The following FGL1 variants were observed in gnomAD, a reference collection of about 807,000 sequenced individuals.
FGL1 encodes fibrinogen like 1.
A neutral mutation model predicts 43.7 loss-of-function variants in FGL1; 59 were observed. The observed-to-expected ratio is 1.35, with a 90% CI of 1.10 to 1.68. The LOEUF (loss-of-function observed/expected upper bound fraction) is 1.68. FGL1 is among the 40% of genes most tolerant of loss of function. The probability of loss-of-function intolerance (pLI) is 0.00; values close to 1 mark genes in which losing one functional copy is unlikely to be tolerated. For synonymous variants in FGL1, 192 were observed against 126.5 expected (o/e 1.52, Z -3.48); for missense variants, 596 against 373.0 (o/e 1.60, Z -4.92).
rs867053276 is a variant in FGL1 at position 17,883,399 on chromosome 8, T to C, written c.64-1220A>G. Among the ~76,000 whole-genome samples, 100 of 53,242 alleles carry C rather than the reference T, an allele frequency of 1.9e-3. 1 individual carries two copies. The highest frequency in any genetic ancestry group is 6.0e-3 in the African/African-American group (96 of 16,126). 34.9% of individuals were successfully genotyped at this position (53,242 alleles called of 152,430 possible). ...AATAATATACAATATAATAATAATA[T>C]ATAATATATATTACAAAATATATAA... On this transcript the variant is annotated intron_variant, in intron 2 of 7. Transcript: ENST00000427924.
intron 3 of FGL1, among the ~76,000 whole-genome samples, chr8:17,881,074 A>G (rs147314205): frequency 1.3e-5 from 2 of 152,156 alleles, no homozygotes; most frequent in Admixed American, 6.5e-5. Flanking sequence ...GCAACAAGGA[A>G]AGATACACAA....
intron 7 of FGL1, among the ~76,000 whole-genome samples, chr8:17,867,162 C>CT (rs1389974309): frequency 6.6e-6 from 1 of 152,166 alleles, no homozygotes; most frequent in Non-Finnish European, 1.5e-5. Context: ...TCTAAGACCC[C>CT]TAGTGGATGC....
intron 3 of FGL1, among the ~76,000 whole-genome samples, chr8:17,877,618 A>C (rs1200366249): frequency 6.6e-6 from 1 of 152,196 alleles, no homozygotes; most frequent in African/African-American, 2.4e-5. Flanking sequence ...ATAAGGAAAA[A>C]AAAAAAAGGA....
chr8:17,879,932 T>C (rs1452875198), intron 3 of FGL1, among the ~76,000 whole-genome samples: 1 of 152,096 alleles, frequency 6.6e-6, no homozygotes. Context: ...AAACCCCAAG[T>C]CTTGGGCTTG....
chr8:17,888,961 C>T (rs1325603669), intron 1 of FGL1, among the ~76,000 whole-genome samples: 1 of 152,134 alleles, frequency 6.6e-6, no homozygotes, highest in Non-Finnish European at 1.5e-5. Context: ...CTTTTCTTCA[C>T]AATAAGAGAA....
chr8:17,874,923 A>AGCTACCACACCTG (rs34146874), intron 3 of FGL1, among the ~76,000 whole-genome samples: 8 of 151,708 alleles, frequency 5.3e-5, no homozygotes, highest in Admixed American at 4.6e-4. Context: ...TACAGGTGTG[A>AGCTACCACACCTG]GCTTAGTTTC....
chr8:17,882,835 T>G (rs1272075023), intron 2 of FGL1, among the ~76,000 whole-genome samples: 1 of 121,488 alleles, frequency 8.2e-6, no homozygotes, highest in Non-Finnish European at 1.6e-5. Context: ...TATAATATAT[T>G]AAATAATATA....
intron 5 of FGL1, among the ~76,000 whole-genome samples, chr8:17,873,122 G>A (rs949157957): frequency 2.0e-5 from 3 of 152,036 alleles, no homozygotes; most frequent in African/African-American, 7.2e-5. Context: ...TTGCCCAATT[G>A]TTCACCTCTC....
At chr8:17,881,361 T>C (rs2053532580) in intron 3 of FGL1, among the ~76,000 whole-genome samples, 1 of 151,678 alleles carries the variant, frequency 6.6e-6, no homozygotes, top group African/African-American at 2.4e-5. Flanking sequence ...GGTCTAGATC[T>C]CCTGACCTTG....
chr8:17,864,606 G>A lies in FGL1; in HGVS notation c.925C>T (p.Pro309Ser). Residue 309 changes from proline to serine, a missense_variant, in exon 8 of 8, where the codon CCA becomes TCA. Coordinates refer to ENST00000427924, the MANE Select transcript of FGL1 (RefSeq NM_004467.4). The part of the protein sequence containing the change: ...VMKIRPNDFI[P>S]NVI Reference sequence around the variant, plus strand: ...AACAGCAGCAATTAAATTACATTTGGAATAAAATCATTTGGCCTAATTTTC... The same window carrying A: ...AACAGCAGCAATTAAATTACATTTGAAATAAAATCATTTGGCCTAATTTTC... 1 of 1,606,934 alleles carries A rather than the reference G, an allele frequency of 6.2e-7. No individual in the cohort carries two copies. The highest frequency in any genetic ancestry group is 8.5e-7 in the Non-Finnish European group (1 of 1,178,392).
Position 17,874,530 on chromosome 8 carries a change from A to G in FGL1, c.245-9T>C, listed in dbSNP as rs1196396863. On this transcript the variant is annotated splice_polypyrimidine_tract_variant and intron_variant, in intron 3 of 7. Coordinates refer to ENST00000427924, the MANE Select transcript of FGL1 (RefSeq NM_004467.4). ...GAAAATCTCTGAACAATCTGTTTTT[A>G]AAACAAGGTAATGTAACATTCATTA... 6.2e-7 allele frequency: 1 copy of G among 1,601,862 alleles called. No homozygotes were observed. The highest frequency in any genetic ancestry group is 8.5e-7 in the Non-Finnish European group (1 of 1,172,812).
At chr8:17,868,820 G>A (rs2131695289) in intron 6 of FGL1, 85 bp from the exon 7 acceptor site, 1 of 1,455,556 alleles carries the variant, frequency 6.9e-7, no homozygotes, top group Non-Finnish European at 9.4e-7. Context: ...CAAAAGAACA[G>A]GTTCTATTGT....
intron 1 of FGL1, 182 bp from the exon 2 acceptor site, chr8:17,885,753 T>A: frequency 1.8e-6 from 1 of 541,882 alleles, no homozygotes; most frequent in Middle Eastern, 3.9e-4. Flanking sequence ...CACTGAGTGT[T>A]AACTAGAATT....
chr8:17,880,991 C>G (rs2053525329), intron 3 of FGL1, among the ~76,000 whole-genome samples: 2 of 152,074 alleles, frequency 1.3e-5, no homozygotes, highest in South Asian at 4.1e-4. Context: ...TTTCCTTTTT[C>G]TGCTCCTTTA....
rs1230934750 is a variant in FGL1 at position 17,875,525 on chromosome 8, T to C, written c.245-1004A>G. On this transcript the variant is annotated intron_variant, in intron 3 of 7. Coordinates refer to ENST00000427924, the MANE Select transcript of FGL1 (RefSeq NM_004467.4). ...TTTCTTTCTTTCTTTCTTTCTTTCTTTCTTTCTTTCTCTTTCTTTCTTTCT... is the reference window on the plus strand; with the variant it reads ...TTTCTTTCTTTCTTTCTTTCTTTCTCTCTTTCTTTCTCTTTCTTTCTTTCT... Among the ~76,000 whole-genome samples the C allele has an allele frequency of 1.9e-3, 19 of 10,262 alleles. 2 individuals are homozygous for C. The highest frequency in any genetic ancestry group is 4.7e-3 in the African/African-American group (14 of 3,008). 6.7% of individuals were successfully genotyped at this position (10,262 alleles called of 152,430 possible). A position where few individuals can be genotyped will look rare whatever the true frequency, so the allele number is the denominator to read the frequency against.
At chr8:17,864,901 G>A in intron 7 of FGL1, 150 bp from the exon 8 acceptor site, 1 of 580,914 alleles carries the variant, frequency 1.7e-6, no homozygotes, top group East Asian at 3.4e-5. Flanking sequence ...GTTTCCAAAA[G>A]CTGAGAAATT....
In FGL1 at chr8:17,875,527, CTTTCTT is replaced by C; in HGVS notation, c.245-1012_245-1007del. ...TCTTTCTTTCTTTCTTTCTTTCTTT[CTTTCTT>C]TCTCTTTCTTTCTTTCTTTCTTTCT... On this transcript the variant is annotated intron_variant, in intron 3 of 7. Coordinates refer to ENST00000427924, the MANE Select transcript of FGL1 (RefSeq NM_004467.4). Among the ~76,000 whole-genome samples the C allele has an allele frequency of 8.4e-3, 101 of 12,054 alleles. 8 individuals are homozygous for C. The highest frequency in any genetic ancestry group is 0.02 in the African/African-American group (76 of 3,766). 7.9% of individuals were successfully genotyped at this position (12,054 alleles called of 152,430 possible).
chr8:17,883,517 A>G (rs569591307), intron 2 of FGL1, among the ~76,000 whole-genome samples: 9,479 of 132,678 alleles, frequency 0.071, 761 homozygotes, highest in African/African-American at 0.19. Context: ...ATATAATATA[A>G]TGTAATATAA....
In FGL1 at chr8:17,885,486, G is replaced by A. The variant is rs201345330; in HGVS notation, c.63+6C>T. ...AATATGACAATAGTTTTCCCAAGAA[G>A]CTTACCGAAATTTCCCTGCCCATTG... On this transcript the variant is annotated splice_donor_region_variant and intron_variant, in intron 2 of 7. Transcript: ENST00000427924. The A allele has an allele frequency of 6.2e-7, 1 of 1,607,252 alleles. No individual in the cohort carries two copies. Among genetic ancestry groups the A allele is most frequent in the African/African-American group, 1.3e-5 (1 of 74,798 alleles).
Sources: gnomAD v4.1 joint callset for allele counts (sites outside exome capture counted in the v4.1 genomes callset) on GRCh38, gnomAD v4.1.1 for gene constraint, MANE v1.5 for transcripts, NCBI Gene and HGNC (gene_info 2026-07-23, HGNC 2026-07-21) for gene names.